The following POLA1 variants were observed in gnomAD, a reference collection of about 807,000 sequenced individuals.
POLA1 encodes the protein DNA polymerase alpha catalytic subunit.
Under a neutral mutation model 124.0 loss-of-function variants are expected in POLA1, and 15 were observed. That is an observed-to-expected ratio of 0.12 (90% CI 0.08 to 0.19). The LOEUF is 0.19. POLA1 is among the 10% of genes least tolerant of loss of function. The pLI, the probability that POLA1 is intolerant of heterozygous loss-of-function variation, is 1.00. For synonymous variants in POLA1, 408 were observed against 389.4 expected (o/e 1.05, Z -0.56); for missense variants, 886 against 1,103.4 (o/e 0.80, Z 2.79).
chrX:24,778,228 A>G (rs2045180480), intron 26 of POLA1, among the ~76,000 whole-genome samples: 1 of 111,120 alleles, frequency 9.0e-6, no homozygotes, highest in African/African-American at 3.3e-5. Context: ...TAAGTTTTGG[A>G]TAATGTGTTG....
chrX:24,907,868 AATC>A (rs1338446750), intron 35 of POLA1, among the ~76,000 whole-genome samples: 1 of 112,100 alleles, frequency 8.9e-6, no homozygotes, highest in Non-Finnish European at 1.9e-5. Context: ...TGAAAACAAA[AATC>A]ATAGCATTGT....
chrX:24,936,174 A>C (rs1195924223), intron 36 of POLA1, among the ~76,000 whole-genome samples: 1 of 112,441 alleles, frequency 8.9e-6, no homozygotes, highest in Non-Finnish European at 1.9e-5. Flanking sequence ...GACAACAGCT[A>C]GTACTGAAAA....
intron 30 of POLA1, among the ~76,000 whole-genome samples, chrX:24,819,257 G>C (rs113969114): frequency 5.3e-5 from 6 of 112,273 alleles, no homozygotes; most frequent in Non-Finnish European, 1.1e-4. Flanking sequence ...TATCAGAAAA[G>C]TTTTTAAGTA....
chrX:24,804,475 C>A (rs1322208331), intron 26 of POLA1, among the ~76,000 whole-genome samples: 1 of 111,554 alleles, frequency 9.0e-6, no homozygotes. Context: ...CAGTTTATTT[C>A]TAATTTTATA....
chrX:24,950,119 A>G (rs931557222), intron 36 of POLA1, among the ~76,000 whole-genome samples: 1 of 112,113 alleles, frequency 8.9e-6, no homozygotes, highest in African/African-American at 3.2e-5. Flanking sequence ...TTACATATTC[A>G]TTTTACCAAT....
chrX:24,986,260 T>A (rs957729004), intron 36 of POLA1, among the ~76,000 whole-genome samples: 4 of 111,744 alleles, frequency 3.6e-5, no homozygotes, highest in Non-Finnish European at 7.5e-5. Flanking sequence ...AGTATTAAAA[T>A]AGCTAAGTAG....
At chrX:24,829,952 C>T (rs1214389157) in intron 32 of POLA1, among the ~76,000 whole-genome samples, 1 of 112,165 alleles carries the variant, frequency 8.9e-6, no homozygotes, top group Non-Finnish European at 1.9e-5. Flanking sequence ...AATACAAGCC[C>T]TCCAACTGCC....
intron 34 of POLA1, among the ~76,000 whole-genome samples, chrX:24,849,881 C>T (rs748878952): frequency 6.2e-4 from 69 of 111,361 alleles, no homozygotes; most frequent in Non-Finnish European, 3.2e-4. Context: ...TCGCCTGCCT[C>T]GGCCTCCCAA....
intron 26 of POLA1, among the ~76,000 whole-genome samples, chrX:24,776,460 G>A (rs896374635): frequency 1.8e-5 from 2 of 112,063 alleles, no homozygotes; most frequent in Admixed American, 9.5e-5. Context: ...ATAGCAAAGC[G>A]TGTGAAAAGA....
At chrX:24,854,274 G>T (rs1036979904) in intron 34 of POLA1, among the ~76,000 whole-genome samples, 3 of 110,465 alleles carry the variant, frequency 2.7e-5, no homozygotes, top group African/African-American at 9.9e-5. Context: ...TTGAACTCCT[G>T]ACCCAGGTGA....
intron 34 of POLA1, among the ~76,000 whole-genome samples, chrX:24,847,653 A>G (rs1450267813): frequency 8.9e-6 from 1 of 112,046 alleles, no homozygotes; most frequent in Non-Finnish European, 1.9e-5. Flanking sequence ...TGTAGGCTTT[A>G]TAATCTCAGG....
chrX:24,758,714 C>T (rs767694544), intron 26 of POLA1, among the ~76,000 whole-genome samples: 5 of 112,218 alleles, frequency 4.5e-5, no homozygotes, highest in Non-Finnish European at 7.5e-5. Flanking sequence ...GACGGAGTCT[C>T]GCACTGTCTC....
At chrX:24,902,615 G>T (rs1422396089) in intron 35 of POLA1, among the ~76,000 whole-genome samples, 2 of 111,850 alleles carry the variant, frequency 1.8e-5, no homozygotes, top group East Asian at 2.8e-4. Flanking sequence ...TCCATACTCT[G>T]TTCCTTGTTT....
intron 36 of POLA1, among the ~76,000 whole-genome samples, chrX:24,948,389 A>T (rs2047994522): frequency 1.8e-5 from 2 of 111,054 alleles, no homozygotes; most frequent in Admixed American, 9.6e-5. Flanking sequence ...GTTACCAACA[A>T]CTACTAAATA....
intron 23 of POLA1, chrX:24,744,604 G>A (rs1318498961): frequency 3.0e-6 from 1 of 335,329 alleles, no homozygotes; most frequent in South Asian, 2.8e-5. Flanking sequence ...TTTTAGCTCA[G>A]TTTTTGTACA....
In POLA1 at chrX:24,737,527, TAGAAAA is replaced by T. The variant is rs926869819; in HGVS notation, c.1924-92_1924-87del. 7.9e-6 allele frequency: 4 copies of T among 508,723 alleles called. No individual in the cohort carries two copies. In the East Asian group the frequency reaches 1.4e-4, roughly 18 times the overall value. 41.9% of individuals were successfully genotyped at this position (508,723 alleles called of 1,213,427 possible). A position where few individuals can be genotyped will look rare whatever the true frequency, so the allele number is the denominator to read the frequency against. The stretch of plus-strand genomic sequence containing the variant: ...GTGCATGATGTCTTCAATTAGAGAC[TAGAAAA>T]AGAAAGGGCAAAGAAATTCTGTGCG... On this transcript the variant is annotated intron_variant, in intron 18 of 36. Transcript: ENST00000379068.
intron 32 of POLA1, among the ~76,000 whole-genome samples, chrX:24,831,219 G>A (rs1335958972): frequency 9.0e-6 from 1 of 110,888 alleles, no homozygotes; most frequent in African/African-American, 3.3e-5. Flanking sequence ...CGATGTTTGG[G>A]GGTGCTTTTG....
chrX:24,961,776 C>G (rs752948362), intron 36 of POLA1, among the ~76,000 whole-genome samples: 1 of 111,777 alleles, frequency 8.9e-6, no homozygotes, highest in East Asian at 2.8e-4. Flanking sequence ...CCAGTTAAAG[C>G]TCACTCTCTG....
chrX:24,877,760 C>T (rs1484792987), intron 34 of POLA1, among the ~76,000 whole-genome samples: 1 of 111,572 alleles, frequency 9.0e-6, no homozygotes, highest in Non-Finnish European at 1.9e-5. Flanking sequence ...GCAATTGTTT[C>T]TTAAATTATG....
Sources: allele counts gnomAD v4.1 joint callset (sites outside exome capture counted in the v4.1 genomes callset), GRCh38; gene constraint gnomAD v4.1.1; transcripts MANE v1.5; gene names NCBI Gene and HGNC (gene_info 2026-07-23, HGNC 2026-07-21).